COG5: variants seen among roughly 807,000 people sequenced by gnomAD.
COG5 encodes component of oligomeric golgi complex 5, also known as conserved oligomeric Golgi complex subunit 5.
In COG5, 86 loss-of-function variants were observed where a neutral mutation model predicts 110.4. The ratio of observed to expected loss-of-function variants is 0.78; its 90% CI spans 0.65 to 0.93. COG5 has a LOEUF of 0.93. Ranked by LOEUF, COG5 falls within the 40% of genes least tolerant of loss-of-function variation. COG5 has a pLI of 0.00. For missense variants in COG5, 1,077 were observed against 987.0 expected (o/e 1.09, Z -1.22); for synonymous variants, 360 against 334.6 (o/e 1.08, Z -0.83).
intron 11 of COG5, among the ~76,000 whole-genome samples, chr7:107,322,259 C>T (rs762823430): frequency 1.2e-4 from 18 of 152,306 alleles, no homozygotes; most frequent in South Asian, 6.2e-4. Flanking sequence ...GATTAGTGCA[C>T]TTACAAAAGA....
intron 7 of COG5, among the ~76,000 whole-genome samples, chr7:107,386,456 C>T (rs1053430525): frequency 8.5e-5 from 13 of 152,056 alleles, no homozygotes; most frequent in African/African-American, 7.3e-5. Context: ...GTGTGAGGAA[C>T]GCTGCGGAGG....
In COG5 at chr7:107,274,066, C is replaced by T. The variant is rs570550391; in HGVS notation, c.1575+7234G>A. 3.0e-4 allele frequency among the ~76,000 whole-genome samples: 46 copies of T among 152,154 alleles called. 2 individuals carry two copies. The South Asian group carries it at 8.1e-3, about 27-fold the overall frequency. On this transcript the variant is annotated intron_variant, in intron 14 of 21. Coordinates refer to ENST00000297135, the MANE Select transcript of COG5 (RefSeq NM_006348.5). ...TCTTCTTTGGCAATGAAGGTGGTGT[C>T]AAATGACATAAAATTTAACACAAAC...
rs553748645 is a variant in COG5 at position 107,377,213 on chromosome 7, A to C, written c.670-4453T>G. ...CTGATTGGCCTTGGAGTTTTCTCCA[A>C]GGAAAGGTTTTTTTAATAATAAATT... On this transcript the variant is annotated intron_variant, in intron 7 of 21. Transcript: ENST00000297135. Among the ~76,000 whole-genome samples, 222 of 152,256 alleles carry C rather than the reference A, an allele frequency of 1.5e-3. 1 individual carries two copies. The highest frequency in any genetic ancestry group is 5.1e-3 in the African/African-American group (214 of 41,558).
chr7:107,239,047 A>C (rs918050330), intron 17 of COG5, among the ~76,000 whole-genome samples: 6 of 152,152 alleles, frequency 3.9e-5, no homozygotes, highest in African/African-American at 1.4e-4. Flanking sequence ...AATCCAAAAA[A>C]TTATTGCTCA....
chr7:107,528,527 T>C (rs571030901), intron 5 of COG5, among the ~76,000 whole-genome samples: 83 of 152,340 alleles, frequency 5.4e-4, no homozygotes, highest in African/African-American at 1.8e-3. Context: ...AAGGTTCATG[T>C]ATTTTAGGAC....
intron 11 of COG5, among the ~76,000 whole-genome samples, chr7:107,314,884 T>C (rs1808592696): frequency 6.6e-6 from 1 of 152,232 alleles, no homozygotes; most frequent in South Asian, 2.1e-4. Flanking sequence ...TCTTCCAAGG[T>C]ATATAAACTT....
chr7:107,402,204 C>T (rs1791485859), intron 7 of COG5, among the ~76,000 whole-genome samples: 1 of 152,098 alleles, frequency 6.6e-6, no homozygotes. Flanking sequence ...TGATAAGCAC[C>T]AGGACCCTAG....
intron 11 of COG5, among the ~76,000 whole-genome samples, chr7:107,313,395 T>G (rs79770409): frequency 6.6e-6 from 1 of 152,154 alleles, no homozygotes; most frequent in Non-Finnish European, 1.5e-5. Context: ...GTGGAAAAAC[T>G]AGAACTCTCA....
intron 5 of COG5, among the ~76,000 whole-genome samples, chr7:107,542,485 G>C (rs570682000): frequency 2.0e-5 from 3 of 152,200 alleles, no homozygotes; most frequent in Non-Finnish European, 2.9e-5. Flanking sequence ...TTGAAAATCA[G>C]AAACCCTATA....
At chr7:107,355,555 C>G (rs934724343) in intron 10 of COG5, among the ~76,000 whole-genome samples, 1 of 152,146 alleles carries the variant, frequency 6.6e-6, no homozygotes, top group African/African-American at 2.4e-5. Context: ...AATAAACAAA[C>G]TGAGGTATAG....
intron 6 of COG5, among the ~76,000 whole-genome samples, chr7:107,488,598 G>A (rs965407169): frequency 3.9e-5 from 6 of 152,022 alleles, no homozygotes; most frequent in Admixed American, 6.6e-5. Flanking sequence ...TAATCCCAGC[G>A]CTTTGGGAGG....
chr7:107,458,360 T>G (rs754858074), intron 6 of COG5, among the ~76,000 whole-genome samples: 3 of 152,124 alleles, frequency 2.0e-5, no homozygotes, highest in Non-Finnish European at 4.4e-5. Flanking sequence ...GAAAGATAAC[T>G]GGCTATTTAA....
chr7:107,201,529 C>CGT lies in COG5; in HGVS notation c.*1985_*1986dup. ...AAGGTCTCACCATTTGTCCTCAATT[C>CGT]GTGTGACCATAAGATACTGATAGCA... On this transcript the variant is annotated 3_prime_UTR_variant, in exon 22 of 22. Coordinates refer to ENST00000297135, the MANE Select transcript of COG5 (RefSeq NM_006348.5). 1.5e-6 allele frequency: 1 copy of CGT among 685,340 alleles called. No individual in the cohort carries two copies. Among genetic ancestry groups the CGT allele is most frequent in the Non-Finnish European group, 2.6e-6 (1 of 385,730 alleles). 42.5% of individuals were successfully genotyped at this position (685,340 alleles called of 1,614,324 possible).
intron 8 of COG5, among the ~76,000 whole-genome samples, chr7:107,363,913 C>A (rs1436070932): frequency 1.3e-5 from 2 of 151,430 alleles, no homozygotes; most frequent in Non-Finnish European, 2.9e-5. Flanking sequence ...CGAGATCGTA[C>A]CATTGCACTC....
chr7:107,295,083 A>ATG (rs1562955695), intron 12 of COG5, among the ~76,000 whole-genome samples: 8 of 65,086 alleles, frequency 1.2e-4, no homozygotes, highest in Non-Finnish European at 2.3e-4. Context: ...ATATATATAT[A>ATG]TATATATATA....
rs1243073810 is a variant in COG5 at position 107,279,437 on chromosome 7, T to C, written c.1575+1863A>G. Among the ~76,000 whole-genome samples the C allele has an allele frequency of 4.6e-5, 7 of 152,202 alleles. No individual in the cohort carries two copies. The East Asian group carries it at 1.3e-3, about 29-fold the overall frequency. ...AGAGTAGTTATCCAATTCAAAAATC[T>C]GTTTCAAGTCTTTCTTCCACTAAAG... On this transcript the variant is annotated intron_variant, in intron 14 of 21. Transcript: ENST00000297135.
intron 6 of COG5, among the ~76,000 whole-genome samples, chr7:107,415,043 C>T (rs573995954): frequency 1.3e-5 from 2 of 152,138 alleles, no homozygotes; most frequent in Non-Finnish European, 2.9e-5. Flanking sequence ...CCTTCTTTTA[C>T]TAGCCTCCTC....
chr7:107,476,107 A>C (rs1796962267), intron 6 of COG5, among the ~76,000 whole-genome samples: 1 of 147,434 alleles, frequency 6.8e-6, no homozygotes, highest in Non-Finnish European at 1.5e-5. Flanking sequence ...GAATACTAAA[A>C]CACCAGCCTC....
At chr7:107,433,753 A>G (rs993970081) in intron 6 of COG5, among the ~76,000 whole-genome samples, 6 of 152,212 alleles carry the variant, frequency 3.9e-5, no homozygotes, top group African/African-American at 1.4e-4. Context: ...ATTTCATGGC[A>G]TTGAATCTGG....
Sources: gnomAD v4.1 joint callset for allele counts (sites outside exome capture counted in the v4.1 genomes callset) on GRCh38, gnomAD v4.1.1 for gene constraint, MANE v1.5 for transcripts, NCBI Gene and HGNC (gene_info 2026-07-23, HGNC 2026-07-21) for gene names.